CPS1: variants seen among roughly 807,000 people sequenced by gnomAD.
CPS1 encodes carbamoyl-phosphate synthase 1.
In CPS1, 109 loss-of-function variants were observed where a neutral mutation model predicts 174.6. The observed-to-expected ratio is 0.62, with a 90% CI of 0.53 to 0.73. The LOEUF is 0.73. CPS1 is among the 30% of genes least tolerant of loss of function. The pLI is 0.00. For synonymous variants in CPS1, 637 were observed against 632.0 expected (o/e 1.01, Z -0.12); for missense variants, 1,689 against 1,821.9 (o/e 0.93, Z 1.33).
chr2:210,652,768 G>A (rs1380382347), intron 28 of CPS1, among the ~76,000 whole-genome samples: 1 of 152,176 alleles, frequency 6.6e-6, no homozygotes, highest in African/African-American at 2.4e-5. Context: ...TAGAGATAGA[G>A]AAGGAAATAT....
chr2:210,673,674 T>G (rs748021709), intron 34 of CPS1: 2 of 152,160 alleles, frequency 1.3e-5, no homozygotes, highest in Non-Finnish European at 2.9e-5. Context: ...ACAATTATTG[T>G]AATTATAATA....
chr2:210,589,969 T>G (rs1698232308), intron 7 of CPS1, 137 bp from the exon 8 acceptor site: 10 of 1,201,040 alleles, frequency 8.3e-6, no homozygotes, highest in Non-Finnish European at 1.2e-5. Context: ...AAATTTTTGC[T>G]CAGCATTATT....
chr2:210,581,072 A>G (rs1037300728), intron 5 of CPS1, among the ~76,000 whole-genome samples: 2 of 152,084 alleles, frequency 1.3e-5, no homozygotes, highest in Admixed American at 1.3e-4. Flanking sequence ...CTCTGATTTT[A>G]TTCACTCTAC....
intron 34 of CPS1, chr2:210,671,757 T>C (rs185816602): frequency 6.6e-6 from 1 of 152,328 alleles, no homozygotes; most frequent in East Asian, 1.9e-4. Context: ...GAACTGTCGA[T>C]ACTGTCATGT....
chr2:210,524,565 C>A (rs1169952355), intron 1 of CPS1, among the ~76,000 whole-genome samples: 2 of 151,894 alleles, frequency 1.3e-5, no homozygotes, highest in African/African-American at 4.8e-5. Context: ...TTTCTATACC[C>A]CAGTATTTCT....
At chr2:210,485,078 A>T (rs1472119770) in intron 1 of CPS1, among the ~76,000 whole-genome samples, 2 of 151,088 alleles carry the variant, frequency 1.3e-5, no homozygotes, top group Non-Finnish European at 2.9e-5. Context: ...AATACAAAAA[A>T]AAATTAGCCG....
At chr2:210,626,782 T>C (rs1392318566) in intron 21 of CPS1, among the ~76,000 whole-genome samples, 1 of 152,210 alleles carries the variant, frequency 6.6e-6, no homozygotes, top group Admixed American at 6.5e-5. Context: ...TGAAGGGATA[T>C]GATTTTATTA....
intron 1 of CPS1, among the ~76,000 whole-genome samples, chr2:210,561,169 T>C (rs777251625): frequency 2.0e-5 from 3 of 152,134 alleles, no homozygotes; most frequent in East Asian, 3.9e-4. Flanking sequence ...ATAAAACTCT[T>C]GAAAAAACTA....
At chr2:210,618,310 T>C (rs1286273955) in intron 21 of CPS1, 1 of 152,088 alleles carries the variant, frequency 6.6e-6, no homozygotes, top group African/African-American at 2.4e-5. Flanking sequence ...TGATCTACAT[T>C]TAAAACTCTT....
Position 210,564,608 on chromosome 2 carries a change from C to T in CPS1, c.126+7749C>T, listed in dbSNP as rs375813854. On this transcript the variant is annotated intron_variant, in intron 1 of 37. Coordinates refer to ENST00000233072, the MANE Select transcript of CPS1 (RefSeq NM_001875.5). ...AGCCAGGATGGTCTCGATCTCCTGACCTTGTGATCCGCCCGCCTCGGCCTC... is the reference window on the plus strand; with the variant it reads ...AGCCAGGATGGTCTCGATCTCCTGATCTTGTGATCCGCCCGCCTCGGCCTC... Among the ~76,000 whole-genome samples, 133 of 152,154 alleles carry T rather than the reference C, an allele frequency of 8.7e-4. 1 individual carries two copies. The East Asian group carries it at 0.017, about 19-fold the overall frequency.
chr2:210,484,223 A>C (rs1694653481), intron 1 of CPS1, among the ~76,000 whole-genome samples: 1 of 152,168 alleles, frequency 6.6e-6, no homozygotes, highest in Non-Finnish European at 1.5e-5. Context: ...GATCCAGGGG[A>C]ACATCCCAGA....
At chr2:210,614,137 G>A (rs570578274) in intron 20 of CPS1, among the ~76,000 whole-genome samples, 27 of 151,920 alleles carry the variant, frequency 1.8e-4, no homozygotes, top group Admixed American at 1.7e-3. Context: ...TTTGATTTTT[G>A]GAACATTAAA....
chr2:210,647,816 C>T (rs368648126), intron 25 of CPS1, 47 bp from the exon 26 acceptor site: 131 of 1,587,196 alleles, frequency 8.3e-5, no homozygotes, highest in Non-Finnish European at 1.1e-4. Context: ...GTTGTCCATT[C>T]ATAATGAAGT....
At position 210,674,887 on chromosome 2, in the gene CPS1, GA is replaced by G; in HGVS notation, c.4102-12del. Reference sequence around the variant, plus strand: ...TGTATATCTAGAAAGTGAATTTTGTGAAATTCCTTTTCAGCAATCATTCCGG... The same window carrying G: ...TGTATATCTAGAAAGTGAATTTTGTGAATTCCTTTTCAGCAATCATTCCGG... On this transcript the variant is annotated splice_polypyrimidine_tract_variant and intron_variant, in intron 34 of 37. Coordinates refer to ENST00000233072, the MANE Select transcript of CPS1 (RefSeq NM_001875.5). 1 of 1,609,416 alleles carries G rather than the reference GA, an allele frequency of 6.2e-7. No homozygotes were observed. The highest frequency in any genetic ancestry group is 8.5e-7 in the Non-Finnish European group (1 of 1,175,754).
intron 26 of CPS1, 87 bp from the exon 27 acceptor site, chr2:210,648,386 C>A: frequency 2.7e-6 from 3 of 1,129,056 alleles, no homozygotes; most frequent in South Asian, 1.3e-5. Context: ...AGAAGCTGGG[C>A]TACCACTCGA....
rs192493093 is a variant in CPS1, at chr2:210,640,268, A to G, written c.2959+209A>G. On this transcript the variant is annotated intron_variant, in intron 24 of 37. Coordinates refer to ENST00000233072, the MANE Select transcript of CPS1 (RefSeq NM_001875.5). ...GGACTCAAATGCAGGTCTCAACTAC[A>G]AATTCTATCTCCTCTCATTTCACTG... Among the ~76,000 whole-genome samples the G allele has an allele frequency of 1.6e-4, 24 of 152,332 alleles. No homozygotes were observed. In the East Asian group the frequency reaches 4.4e-3, roughly 28 times the overall value.
At chr2:210,558,699 A>G (rs1012711274) in intron 1 of CPS1, among the ~76,000 whole-genome samples, 3 of 152,034 alleles carry the variant, frequency 2.0e-5, no homozygotes, top group African/African-American at 7.2e-5. Context: ...GATATGATTG[A>G]AATTAGAATC....
chr2:210,663,618 C>CTA (rs1700994301), intron 33 of CPS1, among the ~76,000 whole-genome samples: 1 of 152,178 alleles, frequency 6.6e-6, no homozygotes, highest in South Asian at 2.1e-4. Context: ...GATCATAGAC[C>CTA]TAAACATTGT....
chr2:210,506,321 G>A (rs150841467), intron 1 of CPS1, among the ~76,000 whole-genome samples: 30,923 of 152,046 alleles, frequency 0.2, 3,672 homozygotes, highest in Middle Eastern at 0.32. Context: ...GCAGCTGAGG[G>A]TCCTGACTGT....
Sources: allele counts gnomAD v4.1 joint callset (sites outside exome capture counted in the v4.1 genomes callset), GRCh38; gene constraint gnomAD v4.1.1; transcripts MANE v1.5; gene names NCBI Gene and HGNC (gene_info 2026-07-23, HGNC 2026-07-21).